Variants in GPC6 observed in about 807,000 individuals in gnomAD.
The protein encoded by GPC6 is glypican 6.
GPC6 carries 14 observed loss-of-function variants against 55.2 expected under a neutral mutation model. The observed-to-expected ratio is 0.25, with a 90% confidence interval of 0.17 to 0.40. The LOEUF (loss-of-function observed/expected upper bound fraction) is 0.40, where lower values mean the gene tolerates loss of function less well. Ranked by LOEUF, GPC6 falls within the 10% of genes least tolerant of loss-of-function variation. GPC6 has a pLI of 1.00. For missense variants in GPC6, 641 were observed against 708.5 expected (o/e 0.90, Z 1.08); for synonymous variants, 278 against 259.6 (o/e 1.07, Z -0.68).
At chr13:94,274,463 C>T (rs928517043) in intron 4 of GPC6, among the ~76,000 whole-genome samples, 12 of 152,208 alleles carry the variant, frequency 7.9e-5, no homozygotes, top group African/African-American at 2.6e-4. Flanking sequence ...TAAATTGGTT[C>T]GCTTCCATTT....
At chr13:94,163,642 T>C (rs1888246709) in intron 4 of GPC6, among the ~76,000 whole-genome samples, 1 of 152,174 alleles carries the variant, frequency 6.6e-6, no homozygotes, top group Admixed American at 6.5e-5. Context: ...AGAAAAGTTA[T>C]ATTCCAATCA....
chr13:93,418,798 A>G (rs1222823481), intron 1 of GPC6, among the ~76,000 whole-genome samples: 1 of 150,970 alleles, frequency 6.6e-6, no homozygotes, highest in Non-Finnish European at 1.5e-5. Flanking sequence ...GCATCACTTT[A>G]TTAATGGCAC....
At chr13:93,696,549 T>TCC (rs1882459290) in intron 2 of GPC6, among the ~76,000 whole-genome samples, 1 of 151,708 alleles carries the variant, frequency 6.6e-6, no homozygotes, top group Non-Finnish European at 1.5e-5. Context: ...TTCCTTTTTT[T>TCC]TTTAAAAAAC....
intron 2 of GPC6, among the ~76,000 whole-genome samples, chr13:93,731,081 T>G (rs137939360): frequency 6.6e-6 from 1 of 151,842 alleles, no homozygotes; most frequent in African/African-American, 2.4e-5. Context: ...CATGAGGGAG[T>G]GTGGGATACA....
Position 93,767,485 on chromosome 13 carries a change from A to G in GPC6, c.320-62669A>G, listed in dbSNP as rs377324444. Among the ~76,000 whole-genome samples, 43 of 152,316 alleles carry G rather than the reference A, an allele frequency of 2.8e-4. 1 individual carries two copies. Among genetic ancestry groups the G allele is most frequent in the African/African-American group, 1.0e-3 (42 of 41,578 alleles). On this transcript the variant is annotated intron_variant, in intron 2 of 8. Transcript: ENST00000377047. ...TAAAAATATTTTTAGAATCCTTATC[A>G]GTCAGAAAATTCTCTTCTTCAAACA...
At chr13:93,670,495 T>C (rs1339157355) in intron 2 of GPC6, among the ~76,000 whole-genome samples, 2 of 152,210 alleles carry the variant, frequency 1.3e-5, no homozygotes, top group Non-Finnish European at 2.9e-5. Context: ...GACAGTTATC[T>C]CTATGATTTA....
At chr13:93,996,194 A>C (rs1204233643) in intron 3 of GPC6, among the ~76,000 whole-genome samples, 1 of 152,202 alleles carries the variant, frequency 6.6e-6, no homozygotes, top group Non-Finnish European at 1.5e-5. Context: ...TTTCCTTTAA[A>C]AATTTTTGGA....
At chr13:93,394,510 G>A (rs1594139566) in intron 1 of GPC6, among the ~76,000 whole-genome samples, 1 of 152,214 alleles carries the variant, frequency 6.6e-6, no homozygotes, top group Admixed American at 6.5e-5. Context: ...GCCCCTGATA[G>A]TTCCTCTCTT....
At chr13:93,819,597 A>G (rs988754372) in intron 2 of GPC6, among the ~76,000 whole-genome samples, 1 of 152,238 alleles carries the variant, frequency 6.6e-6, no homozygotes. Context: ...TCTTTAGGCC[A>G]GTGCTAGGAA....
chr13:93,716,592 TTTAAG>T (rs1328517975), intron 2 of GPC6, among the ~76,000 whole-genome samples: 2 of 151,714 alleles, frequency 1.3e-5, no homozygotes, highest in East Asian at 3.9e-4. Context: ...GTTTTTGTGT[TTTAAG>T]TAAAGTGATT....
chr13:94,247,149 A>T (rs890082776), intron 4 of GPC6, among the ~76,000 whole-genome samples: 10 of 152,038 alleles, frequency 6.6e-5, no homozygotes, highest in African/African-American at 2.4e-4. Flanking sequence ...CTTTCCAGAT[A>T]GGTCATTGTT....
chr13:94,286,755 C>G (rs1213337408), intron 5 of GPC6, among the ~76,000 whole-genome samples: 2 of 152,192 alleles, frequency 1.3e-5, no homozygotes, highest in African/African-American at 2.4e-5. Flanking sequence ...TGACTAATCC[C>G]TCACATTTGT....
chr13:93,784,930 G>A (rs1374349415), intron 2 of GPC6, among the ~76,000 whole-genome samples: 1 of 152,050 alleles, frequency 6.6e-6, no homozygotes, highest in African/African-American at 2.4e-5. Flanking sequence ...TTGTATAATA[G>A]ATAAATTGAA....
intron 4 of GPC6, among the ~76,000 whole-genome samples, chr13:94,270,579 T>C (rs1019256853): frequency 6.6e-6 from 1 of 151,872 alleles, no homozygotes; most frequent in Non-Finnish European, 1.5e-5. Flanking sequence ...TAGTTACAGA[T>C]GATTTTTATT....
At chr13:93,831,396 A>G (rs2138982114) in intron 3 of GPC6, among the ~76,000 whole-genome samples, 1 of 152,362 alleles carries the variant, frequency 6.6e-6, no homozygotes, top group Middle Eastern at 3.4e-3. Context: ...TACTTAAAGA[A>G]GTAAAGTTAA....
intron 2 of GPC6, among the ~76,000 whole-genome samples, chr13:93,614,783 G>A (rs2139546599): frequency 6.6e-6 from 1 of 152,170 alleles, no homozygotes; most frequent in East Asian, 1.9e-4. Context: ...CACCATTCAA[G>A]CATAACACGT....
chr13:93,459,033 C>T (rs769129163), intron 1 of GPC6, among the ~76,000 whole-genome samples: 1 of 152,068 alleles, frequency 6.6e-6, no homozygotes, highest in Admixed American at 6.6e-5. Flanking sequence ...TAAGGGAACA[C>T]GCTTTGATTA....
intron 1 of GPC6, among the ~76,000 whole-genome samples, chr13:93,415,952 C>G (rs765562285): frequency 6.6e-6 from 1 of 152,064 alleles, no homozygotes; most frequent in Non-Finnish European, 1.5e-5. Flanking sequence ...AGTTTATCAA[C>G]ATGACATTAA....
intron 4 of GPC6, among the ~76,000 whole-genome samples, chr13:94,234,120 C>T (rs910737939): frequency 6.6e-6 from 1 of 152,004 alleles, no homozygotes; most frequent in Non-Finnish European, 1.5e-5. Context: ...CCTCATTTCC[C>T]CTGCAATGCT....
Sources: allele counts gnomAD v4.1 joint callset (sites outside exome capture counted in the v4.1 genomes callset), GRCh38; gene constraint gnomAD v4.1.1; transcripts MANE v1.5; gene names NCBI Gene and HGNC (gene_info 2026-07-23, HGNC 2026-07-21).